DPP10: variants seen among roughly 807,000 people sequenced by gnomAD.
The protein encoded by DPP10 is dipeptidyl peptidase like 10.
DPP10 carries 33 observed loss-of-function variants against 120.9 expected under a neutral mutation model. That is an observed-to-expected ratio of 0.27 (90% confidence interval 0.21 to 0.37). The LOEUF (loss-of-function observed/expected upper bound fraction) is 0.37. Among genes scored for constraint, DPP10 ranks in the 10% least tolerant of loss-of-function variants. The probability of loss-of-function intolerance (pLI) is 1.00; values close to 1 mark genes in which losing one functional copy is unlikely to be tolerated. For missense variants in DPP10, 816 were observed against 942.8 expected, an observed-to-expected ratio of 0.87 and a Z score of 1.76; for synonymous variants, 337 against 326.1, an observed-to-expected ratio of 1.03 and a Z score of -0.36.
At chr2:115,515,433 A>G (rs993658324) in intron 4 of DPP10, among the ~76,000 whole-genome samples, 8 of 152,072 alleles carry the variant, frequency 5.3e-5, no homozygotes, top group African/African-American at 1.9e-4. Context: ...ATGTTGATTT[A>G]CAATGATTTA....
chr2:115,784,023 A>G (rs1032534265), intron 17 of DPP10, among the ~76,000 whole-genome samples: 16 of 152,202 alleles, frequency 1.1e-4, no homozygotes, highest in African/African-American at 3.9e-4. Context: ...ATTTAATTTT[A>G]TCCTGTTGTT....
At chr2:114,456,012 G>C (rs113991674) in intron 1 of DPP10, among the ~76,000 whole-genome samples, 7 of 151,946 alleles carry the variant, frequency 4.6e-5, no homozygotes, top group South Asian at 2.1e-4. Context: ...CTAACTTAAG[G>C]GTACTTCCTT....
intron 1 of DPP10, among the ~76,000 whole-genome samples, chr2:114,859,438 G>C (rs1689638516): frequency 6.6e-6 from 1 of 151,790 alleles, no homozygotes; most frequent in Non-Finnish European, 1.5e-5. Flanking sequence ...GTGTACATGT[G>C]ACCATACCAT....
At chr2:115,301,468 C>CTT (rs5833587) in intron 1 of DPP10, among the ~76,000 whole-genome samples, 3 of 135,960 alleles carry the variant, frequency 2.2e-5, no homozygotes, top group African/African-American at 8.2e-5. Context: ...AAGTGGGCTA[C>CTT]TTTTTTTTTT....
chr2:114,702,714 G>T (rs1211655511), intron 1 of DPP10, among the ~76,000 whole-genome samples: 1 of 152,030 alleles, frequency 6.6e-6, no homozygotes, highest in Non-Finnish European at 1.5e-5. Context: ...AAGTCACAAG[G>T]ATGCCTTCTG....
chr2:115,383,152 T>C (rs777469283), intron 3 of DPP10, among the ~76,000 whole-genome samples: 4 of 152,230 alleles, frequency 2.6e-5, no homozygotes, highest in Non-Finnish European at 5.9e-5. Flanking sequence ...TATTGAGTGA[T>C]GATGTGGTTT....
intron 1 of DPP10, among the ~76,000 whole-genome samples, chr2:115,244,936 A>G (rs2058465599): frequency 6.6e-6 from 1 of 151,724 alleles, no homozygotes; most frequent in South Asian, 2.1e-4. Flanking sequence ...ATTTTGGTGT[A>G]TCTGTCACCC....
chr2:115,643,563 C>A (rs2086967609), intron 5 of DPP10, among the ~76,000 whole-genome samples: 1 of 152,118 alleles, frequency 6.6e-6, no homozygotes, highest in Non-Finnish European at 1.5e-5. Flanking sequence ...CTGGATGATT[C>A]TGGGAGGATG....
intron 1 of DPP10, among the ~76,000 whole-genome samples, chr2:115,168,272 C>T (rs1247798105): frequency 6.6e-6 from 1 of 152,132 alleles, no homozygotes; most frequent in East Asian, 1.9e-4. Context: ...CTTGTGTGTC[C>T]TAACCAAGTT....
chr2:115,195,038 T>C (rs997759478), intron 1 of DPP10, among the ~76,000 whole-genome samples: 2 of 152,200 alleles, frequency 1.3e-5, no homozygotes. Flanking sequence ...TTTGGGGATA[T>C]ATTTTGGACA....
chr2:115,651,658 G>C (rs1020321346), intron 5 of DPP10, among the ~76,000 whole-genome samples: 1 of 151,966 alleles, frequency 6.6e-6, no homozygotes, highest in Non-Finnish European at 1.5e-5. Context: ...GTACAGACAG[G>C]AATGTCTGCC....
intron 1 of DPP10, among the ~76,000 whole-genome samples, chr2:114,950,563 C>T (rs1363882503): frequency 6.6e-6 from 1 of 151,502 alleles, no homozygotes; most frequent in Non-Finnish European, 1.5e-5. Context: ...CTTGGTCTCT[C>T]AAGATTTTTT....
At chr2:114,773,850 T>C (rs1574154730) in intron 1 of DPP10, among the ~76,000 whole-genome samples, 1 of 152,228 alleles carries the variant, frequency 6.6e-6, no homozygotes, top group East Asian at 1.9e-4. Flanking sequence ...TTGTATTGCT[T>C]CTTTTTTAAA....
At chr2:115,347,470 G>A (rs552017525) in intron 3 of DPP10, among the ~76,000 whole-genome samples, 1 of 151,988 alleles carries the variant, frequency 6.6e-6, no homozygotes, top group Non-Finnish European at 1.5e-5. Flanking sequence ...TTGGAAAGAG[G>A]GATGCTAGTT....
intron 1 of DPP10, among the ~76,000 whole-genome samples, chr2:114,657,166 T>G (rs1405042765): frequency 6.6e-6 from 1 of 152,104 alleles, no homozygotes; most frequent in African/African-American, 2.4e-5. Flanking sequence ...TCTTTTAAGA[T>G]CCAAAAGATA....
At chr2:115,501,734 A>G (rs1356768474) in intron 4 of DPP10, among the ~76,000 whole-genome samples, 2 of 152,100 alleles carry the variant, frequency 1.3e-5, no homozygotes, top group Non-Finnish European at 1.5e-5. Flanking sequence ...AGGAATTACC[A>G]TAATTCCAGA....
At chr2:115,586,521 T>C (rs529532560) in intron 5 of DPP10, among the ~76,000 whole-genome samples, 1 of 152,314 alleles carries the variant, frequency 6.6e-6, no homozygotes, top group African/African-American at 2.4e-5. Context: ...AAAAAATGCC[T>C]TATTACACTC....
chr2:114,779,501 T>A (rs1339454913), intron 1 of DPP10, among the ~76,000 whole-genome samples: 2 of 152,118 alleles, frequency 1.3e-5, no homozygotes, highest in Non-Finnish European at 2.9e-5. Flanking sequence ...TCCCGTCATA[T>A]CTTATAAAAT....
At chr2:115,734,786 C>T (rs1052697289) in intron 8 of DPP10, among the ~76,000 whole-genome samples, 32 of 151,548 alleles carry the variant, frequency 2.1e-4, no homozygotes, top group South Asian at 2.1e-4. Context: ...ACTCATGTCT[C>T]CTTAACCAAA....
Sources: gnomAD v4.1 joint callset for allele counts (sites outside exome capture counted in the v4.1 genomes callset) on GRCh38, gnomAD v4.1.1 for gene constraint, MANE v1.5 for transcripts, NCBI Gene and HGNC (gene_info 2026-07-23, HGNC 2026-07-21) for gene names.